Variants in GHR observed in about 807,000 individuals in gnomAD.
GHR encodes the protein GH receptor.
GHR carries 35 observed loss-of-function variants against 67.1 expected under a neutral mutation model. The observed-to-expected ratio is 0.52, with a 90% CI of 0.40 to 0.69. The LOEUF (loss-of-function observed/expected upper bound fraction) is 0.69. Ranked by LOEUF, GHR falls within the 30% of genes least tolerant of loss-of-function variation. The pLI, the probability that GHR is intolerant of heterozygous loss-of-function variation, is 0.00. For missense variants in GHR, 792 were observed against 764.6 expected (o/e 1.04, Z -0.42); for synonymous variants, 272 against 269.1 (o/e 1.01, Z -0.10).
intron 2 of GHR, among the ~76,000 whole-genome samples, chr5:42,613,642 C>G (rs1752993232): frequency 6.6e-6 from 1 of 152,048 alleles, no homozygotes; most frequent in African/African-American, 2.4e-5. Context: ...GGCTTAAGAA[C>G]AGCTATTAGA....
chr5:42,569,981 A>G (rs940013771), intron 2 of GHR, among the ~76,000 whole-genome samples: 2 of 152,162 alleles, frequency 1.3e-5, no homozygotes, highest in African/African-American at 4.8e-5. Flanking sequence ...CACTGACAAA[A>G]CACTTACTTG....
intron 5 of GHR, among the ~76,000 whole-genome samples, chr5:42,698,020 G>T (rs192975435): frequency 5.9e-4 from 90 of 152,286 alleles, no homozygotes; most frequent in South Asian, 2.5e-3. Context: ...CCAAGGACAA[G>T]TTCATTGTTT....
chr5:42,600,748 C>T (rs1472071867), intron 2 of GHR, among the ~76,000 whole-genome samples: 1 of 152,126 alleles, frequency 6.6e-6, no homozygotes, highest in Non-Finnish European at 1.5e-5. Flanking sequence ...GATTCAGAAT[C>T]AAGCAAGTCC....
At chr5:42,516,315 C>A (rs1470669122) in intron 1 of GHR, among the ~76,000 whole-genome samples, 1 of 152,152 alleles carries the variant, frequency 6.6e-6, no homozygotes, top group Non-Finnish European at 1.5e-5. Flanking sequence ...TTGCTACTTG[C>A]CTACTTAAAC....
At chr5:42,452,868 T>C (rs1744109943) in intron 1 of GHR, among the ~76,000 whole-genome samples, 1 of 152,168 alleles carries the variant, frequency 6.6e-6, no homozygotes, top group Non-Finnish European at 1.5e-5. Flanking sequence ...AGCTTAATAA[T>C]TGACCTTCTG....
intron 1 of GHR, among the ~76,000 whole-genome samples, chr5:42,559,820 C>G (rs1362802225): frequency 3.3e-5 from 5 of 152,100 alleles, no homozygotes; most frequent in Non-Finnish European, 4.4e-5. Flanking sequence ...TTATCATCAC[C>G]ATAAAAAGTT....
At chr5:42,500,584 A>T (rs1328581810) in intron 1 of GHR, among the ~76,000 whole-genome samples, 3 of 152,242 alleles carry the variant, frequency 2.0e-5, no homozygotes, top group African/African-American at 7.2e-5. Flanking sequence ...ATTTTTTCAC[A>T]CTTAGAGAAT....
At chr5:42,659,327 T>A (rs1755436039) in intron 3 of GHR, 1 of 152,170 alleles carries the variant, frequency 6.6e-6, no homozygotes, top group Non-Finnish European at 1.5e-5. Flanking sequence ...TACCCCTACC[T>A]ACCAAGGCTC....
At chr5:42,567,617 A>G (rs1466464919) in intron 2 of GHR, among the ~76,000 whole-genome samples, 1 of 151,108 alleles carries the variant, frequency 6.6e-6, no homozygotes, top group Non-Finnish European at 1.5e-5. Flanking sequence ...TTTTTGTCTT[A>G]TTGAACTAAC....
intron 1 of GHR, among the ~76,000 whole-genome samples, chr5:42,461,414 TA>T (rs1744483465): frequency 6.6e-6 from 1 of 152,230 alleles, no homozygotes. Flanking sequence ...CTTCCTATCA[TA>T]ATCCTCCTTT....
chr5:42,495,376 G>C (rs1746278058), intron 1 of GHR, among the ~76,000 whole-genome samples: 1 of 152,042 alleles, frequency 6.6e-6, no homozygotes, highest in Admixed American at 6.6e-5. Flanking sequence ...TCCCCTCAGT[G>C]ATTCATTAAT....
chr5:42,480,542 A>C (rs1017470738), intron 1 of GHR, among the ~76,000 whole-genome samples: 1 of 152,162 alleles, frequency 6.6e-6, no homozygotes, highest in African/African-American at 2.4e-5. Flanking sequence ...GTACGTCACT[A>C]AGGACTTGCT....
At chr5:42,566,271 G>T (rs1359284728) in intron 2 of GHR, among the ~76,000 whole-genome samples, 1 of 152,210 alleles carries the variant, frequency 6.6e-6, no homozygotes, top group African/African-American at 2.4e-5. Context: ...TACACTGAAG[G>T]GTTATTAGCT....
At chr5:42,428,396 T>C (rs1036627201) in intron 1 of GHR, among the ~76,000 whole-genome samples, 9 of 152,200 alleles carry the variant, frequency 5.9e-5, no homozygotes, top group Admixed American at 2.0e-4. Flanking sequence ...CGTAGGCCTC[T>C]GGGCCTGTGA....
chr5:42,535,704 G>T (rs1212841371), intron 1 of GHR, among the ~76,000 whole-genome samples: 1 of 152,154 alleles, frequency 6.6e-6, no homozygotes, highest in East Asian at 1.9e-4. Flanking sequence ...AATGATGGTG[G>T]TATTTTGAAG....
intron 1 of GHR, among the ~76,000 whole-genome samples, chr5:42,533,864 G>C (rs556621045): frequency 1.5e-5 from 2 of 135,042 alleles, no homozygotes; most frequent in African/African-American, 5.6e-5. Context: ...AAATTCCATT[G>C]TATCATTCTT....
chr5:42,457,491 A>G (rs1464569836), intron 1 of GHR, among the ~76,000 whole-genome samples: 2 of 152,208 alleles, frequency 1.3e-5, no homozygotes, highest in Admixed American at 6.5e-5. Flanking sequence ...CAATTATCCT[A>G]TGAACTAAAT....
intron 3 of GHR, 75 bp from the exon 4 acceptor site, chr5:42,688,815 T>C: frequency 7.4e-7 from 1 of 1,346,474 alleles, no homozygotes; most frequent in East Asian, 2.3e-5. Context: ...CTTCACACAC[T>C]TTAGATACGT....
At chr5:42,683,708 G>C (rs1295455686) in intron 3 of GHR, among the ~76,000 whole-genome samples, 5 of 152,154 alleles carry the variant, frequency 3.3e-5, no homozygotes, top group Non-Finnish European at 5.9e-5. Context: ...TGGAAGGGAA[G>C]AAAGGAAGGG....
Sources: gnomAD v4.1 joint callset for allele counts (sites outside exome capture counted in the v4.1 genomes callset) on GRCh38, gnomAD v4.1.1 for gene constraint, MANE v1.5 for transcripts, NCBI Gene and HGNC (gene_info 2026-07-23, HGNC 2026-07-21) for gene names.